TENM2: variants seen among roughly 807,000 people sequenced by gnomAD.
TENM2 encodes the protein teneurin-2.
Under a neutral mutation model 245.2 loss-of-function variants are expected in TENM2, and 52 were observed. The ratio of observed to expected loss-of-function variants is 0.21; its 90% CI spans 0.17 to 0.27. The LOEUF (loss-of-function observed/expected upper bound fraction) is 0.27. Ranked by LOEUF, TENM2 falls within the 10% of genes least tolerant of loss-of-function variation. The pLI, the probability that TENM2 is intolerant of heterozygous loss-of-function variation, is 1.00. For missense variants in TENM2, 3,046 were observed against 3,666.8 expected (o/e 0.83, Z 4.37); for synonymous variants, 1,363 against 1,438.9 (o/e 0.95, Z 1.19).
chr5:167,802,367 A>C (rs1248367093), intron 2 of TENM2, among the ~76,000 whole-genome samples: 1 of 152,174 alleles, frequency 6.6e-6, no homozygotes, highest in African/African-American at 2.4e-5. Flanking sequence ...CTATGTGTTA[A>C]GTGGGACCCT....
intron 2 of TENM2, among the ~76,000 whole-genome samples, chr5:167,837,392 T>G (rs1387108715): frequency 2.0e-5 from 3 of 152,120 alleles, no homozygotes; most frequent in Non-Finnish European, 2.9e-5. Context: ...CCAAAAAGGT[T>G]GTAGATCAAA....
At chr5:167,677,783 A>G (rs1354156282) in intron 2 of TENM2, among the ~76,000 whole-genome samples, 1 of 150,140 alleles carries the variant, frequency 6.7e-6, no homozygotes, top group African/African-American at 2.4e-5. Context: ...CTATAAACCT[A>G]TTTATTAAAA....
chr5:167,769,812 G>A (rs1763282811), intron 2 of TENM2, among the ~76,000 whole-genome samples: 1 of 152,114 alleles, frequency 6.6e-6, no homozygotes, highest in South Asian at 2.1e-4. Flanking sequence ...CAAGGATTGT[G>A]TCCATTGAGG....
At chr5:167,684,714 C>T (rs563849340) in intron 2 of TENM2, among the ~76,000 whole-genome samples, 2 of 152,290 alleles carry the variant, frequency 1.3e-5, no homozygotes, top group East Asian at 3.9e-4. Context: ...TACGAACAGT[C>T]GTATTTGTTG....
At chr5:168,242,925 C>G (rs1394056939) in intron 25 of TENM2, among the ~76,000 whole-genome samples, 1 of 151,720 alleles carries the variant, frequency 6.6e-6, no homozygotes, top group Non-Finnish European at 1.5e-5. Flanking sequence ...CCACTGCACT[C>G]CAGCCTGGGC....
At chr5:167,107,677 A>C in the TENM2 span, among the ~76,000 whole-genome samples, 1 of 152,226 alleles carries the variant, frequency 6.6e-6, no homozygotes, top group Non-Finnish European at 1.5e-5. Context: ...AAATTATCTC[A>C]GTTAAATCAA....
the TENM2 span, among the ~76,000 whole-genome samples, chr5:167,126,049 TC>T: frequency 2.6e-5 from 4 of 152,224 alleles, no homozygotes; most frequent in Non-Finnish European, 5.9e-5. Context: ...TGCTTAGATG[TC>T]CACAGACTTT....
chr5:167,046,821 C>T, the TENM2 span, among the ~76,000 whole-genome samples: 1 of 152,106 alleles, frequency 6.6e-6, no homozygotes, highest in Admixed American at 6.6e-5. Context: ...GCCCTGTATG[C>T]GTTAGGTATT....
chr5:167,236,578 TAG>T, the TENM2 span, among the ~76,000 whole-genome samples: 1 of 152,344 alleles, frequency 6.6e-6, no homozygotes, highest in East Asian at 1.9e-4. Flanking sequence ...GATTAAATCT[TAG>T]AAGTCTTCTA....
At chr5:167,183,428 C>T in the TENM2 span, among the ~76,000 whole-genome samples, 1 of 152,104 alleles carries the variant, frequency 6.6e-6, no homozygotes, top group Non-Finnish European at 1.5e-5. Flanking sequence ...TGTTGTGAAA[C>T]ATCTTTGTCA....
At chr5:167,322,339 G>C (rs1191641397) in intron 1 of TENM2, among the ~76,000 whole-genome samples, 1 of 151,468 alleles carries the variant, frequency 6.6e-6, no homozygotes, top group Non-Finnish European at 1.5e-5. Context: ...TTTGTATTCT[G>C]GCCCTGTTAG....
At chr5:167,025,755 A>G in the TENM2 span, among the ~76,000 whole-genome samples, 1 of 152,350 alleles carries the variant, frequency 6.6e-6, no homozygotes, top group African/African-American at 2.4e-5. Context: ...TTTCACATCT[A>G]GAAAATAAGA....
chr5:167,474,842 T>C (rs1016793940), intron 2 of TENM2, among the ~76,000 whole-genome samples: 1 of 152,220 alleles, frequency 6.6e-6, no homozygotes, highest in Non-Finnish European at 1.5e-5. Context: ...AAAGATTTAT[T>C]GGCATGCTTA....
At chr5:167,619,920 A>G (rs1174908963) in intron 2 of TENM2, among the ~76,000 whole-genome samples, 1 of 152,206 alleles carries the variant, frequency 6.6e-6, no homozygotes, top group Non-Finnish European at 1.5e-5. Context: ...TTCAAGTTGC[A>G]TAACTCGTTT....
chr5:168,140,886 A>C (rs1755486917), intron 12 of TENM2, among the ~76,000 whole-genome samples: 1 of 152,206 alleles, frequency 6.6e-6, no homozygotes, highest in East Asian at 1.9e-4. Context: ...TGTAAAATAG[A>C]GATAAGGGCC....
intron 3 of TENM2, among the ~76,000 whole-genome samples, chr5:167,879,952 T>A (rs191021430): frequency 0.016 from 2,404 of 152,318 alleles, 32 homozygotes; most frequent in Non-Finnish European, 0.025. Flanking sequence ...GTTGCCTGTC[T>A]AATTTATCTG....
chr5:168,148,151 T>C lies in TENM2; in HGVS notation c.2423-14460T>C, dbSNP rs569876921. ...GTTAGCAGCTGAGTACCAGCTCCCATTCACTGTTCAATTATCCATTTAGCT... is the reference window on the plus strand; with the variant it reads ...GTTAGCAGCTGAGTACCAGCTCCCACTCACTGTTCAATTATCCATTTAGCT... On this transcript the variant is annotated intron_variant, in intron 12 of 28. Transcript: ENST00000518659. Among the ~76,000 whole-genome samples the C allele has an allele frequency of 3.3e-5, 5 of 152,330 alleles. No homozygotes were observed. The East Asian group carries it at 9.7e-4, about 29-fold the overall frequency.
At chr5:167,250,894 C>A in the TENM2 span, among the ~76,000 whole-genome samples, 1 of 152,086 alleles carries the variant, frequency 6.6e-6, no homozygotes, top group Admixed American at 6.6e-5. Context: ...TCATGAGTCC[C>A]ATTTCTATTT....
chr5:168,110,195 A>T (rs1051960545), intron 9 of TENM2, among the ~76,000 whole-genome samples: 1 of 152,086 alleles, frequency 6.6e-6, no homozygotes, highest in Non-Finnish European at 1.5e-5. Flanking sequence ...GTGCTGGGAA[A>T]TAAACCAGTC....
Sources: allele counts gnomAD v4.1 joint callset (sites outside exome capture counted in the v4.1 genomes callset), GRCh38; gene constraint gnomAD v4.1.1; transcripts MANE v1.5; gene names NCBI Gene and HGNC (gene_info 2026-07-23, HGNC 2026-07-21).